Variants in ASB4 observed in about 807,000 individuals in gnomAD.
ASB4 encodes ankyrin repeat and SOCS box protein 4.
In ASB4, 35 loss-of-function variants were observed where a neutral mutation model predicts 38.6. The ratio of observed to expected loss-of-function variants is 0.91; its 90% CI spans 0.69 to 1.20. ASB4 has a LOEUF of 1.20. Ranked by LOEUF, ASB4 falls within the 50% of genes most tolerant of loss-of-function variation. The pLI, the probability that ASB4 is intolerant of heterozygous loss-of-function variation, is 0.00. For missense variants in ASB4, 557 were observed against 527.2 expected (o/e 1.06, Z -0.55); for synonymous variants, 195 against 201.3 (o/e 0.97, Z 0.26).
At chr7:95,486,291 A>G (rs1189146951) in intron 1 of ASB4, 133 bp downstream of exon 1, 15 of 692,746 alleles carry the variant, frequency 2.2e-5, no homozygotes, top group Non-Finnish European at 6.7e-6. Flanking sequence ...TTCTAAATTG[A>G]TATTTTCTTT....
rs1280787491 is a variant in ASB4 at position 95,537,708 on chromosome 7, A to G, written c.1230A>G (p.Pro410=). Residue 410 remains proline, a synonymous_variant, in exon 5 of 5, where the codon CCA becomes CCG. Transcript: ENST00000325885. ...GAGCAATTCCTTTGCTTTCCCTCCC[A>G]TTGTCATTGAAAAAGTACTTGCTTT... ...CHRAIPLLSL[P]LSLKKYLLLE... The G allele has an allele frequency of 6.2e-7, 1 of 1,613,790 alleles. No individual in the cohort carries two copies. The highest frequency in any genetic ancestry group is 8.5e-7 in the Non-Finnish European group (1 of 1,179,818).
At chr7:95,501,149 C>CT (rs1441634994) in intron 2 of ASB4, among the ~76,000 whole-genome samples, 1 of 152,098 alleles carries the variant, frequency 6.6e-6, no homozygotes, top group Middle Eastern at 3.2e-3. Flanking sequence ...TTTTGTCTCA[C>CT]TTTTCGTAAT....
intron 2 of ASB4, among the ~76,000 whole-genome samples, chr7:95,522,922 A>G (rs2116636915): frequency 6.6e-6 from 1 of 152,314 alleles, no homozygotes; most frequent in South Asian, 2.1e-4. Context: ...AGGTTCATGA[A>G]GGAACTTCTC....
Position 95,495,738 on chromosome 7 carries a change from CTTTT to C in ASB4, c.188-7_188-4del, listed in dbSNP as rs35506436. On this transcript the variant is annotated splice_polypyrimidine_tract_variant and intron_variant, in intron 1 of 4. Transcript: ENST00000325885. ...GTCAAGAAGTTAAACTTTCCTTTTC[CTTTT>C]TTTTTTTTTTTTCAGGTTACTGGTT... The C allele has an allele frequency of 1.3e-3, 1,865 of 1,430,750 alleles. No homozygotes were observed. Among genetic ancestry groups the C allele is most frequent in the South Asian group, 3.9e-3 (287 of 74,370 alleles). 88.6% of individuals were successfully genotyped at this position (1,430,750 alleles called of 1,614,324 possible).
exon 1 of ASB4, chr7:95,478,561 G>A (rs1259632496): frequency 6.6e-6 from 1 of 152,164 alleles, no homozygotes; most frequent in African/African-American, 2.4e-5. Flanking sequence ...GAACAATCTA[G>A]CATCGTGCCA....
intron 2 of ASB4, among the ~76,000 whole-genome samples, chr7:95,515,267 CT>C (rs1236741051): frequency 3.7e-4 from 27 of 72,630 alleles, no homozygotes; most frequent in African/African-American, 1.2e-3. Context: ...TTCTTTCTTT[CT>C]CTTTCTTTCT....
chr7:95,494,277 G>C (rs967522728), intron 1 of ASB4, among the ~76,000 whole-genome samples: 1 of 152,180 alleles, frequency 6.6e-6, no homozygotes, highest in Non-Finnish European at 1.5e-5. Flanking sequence ...AGCAGTCATC[G>C]TAATATTCTA....
upstream of ASB4, among the ~76,000 whole-genome samples, chr7:95,478,114 G>A (rs535439126): frequency 5.9e-5 from 9 of 152,244 alleles, 1 homozygote; most frequent in African/African-American, 2.2e-4. Context: ...CCCCTTAAAA[G>A]GGAAGGATAA....
chr7:95,481,629 A>T (rs768220115), upstream of ASB4, among the ~76,000 whole-genome samples: 9 of 152,266 alleles, frequency 5.9e-5, no homozygotes, highest in Middle Eastern at 3.4e-3. Flanking sequence ...TTCATGTTTA[A>T]ATGCCATGAT....
chr7:95,516,197 C>T (rs754882832), intron 2 of ASB4, among the ~76,000 whole-genome samples: 16 of 152,158 alleles, frequency 1.1e-4, no homozygotes, highest in East Asian at 3.8e-4. Flanking sequence ...TTTCCTTCAA[C>T]GAAAACACCT....
At position 95,537,187 on chromosome 7, in the gene ASB4, G is replaced by T. The variant is rs559124964; in HGVS notation, c.1093-384G>T. On this transcript the variant is annotated intron_variant, in intron 4 of 4. Transcript: ENST00000325885. ...TGTAATCTTATTCTGCTACTTATTG[G>T]CTGTGTTACTTTTAAAAGTCACCTA... Among the ~76,000 whole-genome samples the T allele has an allele frequency of 5.3e-5, 8 of 152,258 alleles. No individual in the cohort carries two copies. The East Asian group carries it at 1.5e-3, about 29-fold the overall frequency.
chr7:95,549,301 A>ATTTTTTTTTTTTTTTTTTT, the ASB4 span, among the ~76,000 whole-genome samples: 145 of 114,826 alleles, frequency 1.3e-3, 19 homozygotes, highest in African/African-American at 4.5e-3. Flanking sequence ...AGGAGACTCC[A>ATTTTTTTTTTTTTTTTTTT]TTTTTTTTTT....
At chr7:95,477,347 T>G (rs1562805850), upstream of ASB4, among the ~76,000 whole-genome samples, 1 of 152,256 alleles carries the variant, frequency 6.6e-6, no homozygotes, top group Non-Finnish European at 1.5e-5. Flanking sequence ...AAGGGTCAAC[T>G]CTACGTCACC....
At chr7:95,528,630 A>G in intron 3 of ASB4, 1 of 1,265,892 alleles carries the variant, frequency 7.9e-7, no homozygotes, top group Non-Finnish European at 9.9e-7. Flanking sequence ...ACAGGCATAC[A>G]TTTGCCATCT....
Position 95,496,376 on chromosome 7 carries a change from AT to A in ASB4, c.487+321del, listed in dbSNP as rs752279234. 3.3e-5 allele frequency among the ~76,000 whole-genome samples: 5 copies of A among 152,216 alleles called. No homozygotes were observed. In the East Asian group the frequency reaches 9.6e-4, roughly 29 times the overall value. On this transcript the variant is annotated intron_variant, in intron 2 of 4. Transcript: ENST00000325885. ...ATACTCCTGCCCTCAAAGAAAGTAT[AT>A]TCTAATAAGGGAGACAAATATTAAC... is the stretch of plus-strand genomic sequence containing the variant.
At chr7:95,481,839 T>C (rs775674912), upstream of ASB4, among the ~76,000 whole-genome samples, 20 of 152,216 alleles carry the variant, frequency 1.3e-4, no homozygotes, top group Non-Finnish European at 2.8e-4. Context: ...AAGGACACTG[T>C]TCTGGACATG....
the ASB4 span, among the ~76,000 whole-genome samples, chr7:95,548,697 C>A: frequency 2.0e-5 from 3 of 152,160 alleles, no homozygotes; most frequent in African/African-American, 7.2e-5. Flanking sequence ...ATCTGGACTT[C>A]TCAAATCTGT....
intron 3 of ASB4, among the ~76,000 whole-genome samples, chr7:95,531,284 G>C (rs182498265): frequency 1.2e-3 from 189 of 152,002 alleles, no homozygotes; most frequent in African/African-American, 4.2e-3. Context: ...TCTTGCTAAG[G>C]GCTGGTCATT....
intron 2 of ASB4, among the ~76,000 whole-genome samples, chr7:95,519,954 G>A (rs970041524): frequency 6.6e-6 from 1 of 151,886 alleles, no homozygotes; most frequent in African/African-American, 2.4e-5. Context: ...TTTTGAATAT[G>A]AACAATGTTT....
Sources: gnomAD v4.1 joint callset for allele counts (sites outside exome capture counted in the v4.1 genomes callset) on GRCh38, gnomAD v4.1.1 for gene constraint, MANE v1.5 for transcripts, NCBI Gene and HGNC (gene_info 2026-07-23, HGNC 2026-07-21) for gene names.